Variants in NADK observed in about 807,000 individuals in gnomAD.
NADK encodes poly(P)/ATP NAD kinase.
Under a neutral mutation model 49.8 loss-of-function variants are expected in NADK, and 22 were observed. The observed-to-expected ratio is 0.44, with a 90% CI of 0.32 to 0.63. NADK has a LOEUF of 0.63. NADK is among the 30% of genes least tolerant of loss of function. NADK has a pLI of 0.06. For synonymous variants in NADK, 268 were observed against 253.7 expected (o/e 1.06, Z -0.54); for missense variants, 438 against 609.4 (o/e 0.72, Z 2.96).
Position 1,769,560 on chromosome 1 carries a change from A to C in NADK, c.-40-4114T>G, listed in dbSNP as rs568990996. 4.6e-5 allele frequency among the ~76,000 whole-genome samples: 7 copies of C among 151,952 alleles called. No homozygotes were observed. The East Asian group carries it at 5.8e-4, about 13-fold the overall frequency. ...AGCGAGACTCCGTCTCAAAAAAAAA[A>C]CAAAAAACAAAAAACAAACTAGCCG... On this transcript the variant is annotated intron_variant, in intron 1 of 11. Transcript: ENST00000341426.
chr1:1,755,092 G>T (rs145255125), intron 7 of NADK, among the ~76,000 whole-genome samples: 1,554 of 152,270 alleles, frequency 0.01, 27 homozygotes, highest in African/African-American at 0.036. Flanking sequence ...GTGCTGGGAT[G>T]ACAGGCGTGA....
At chr1:1,762,919 C>T (rs1645772349) in intron 2 of NADK, among the ~76,000 whole-genome samples, 1 of 152,358 alleles carries the variant, frequency 6.6e-6, no homozygotes, top group Non-Finnish European at 1.5e-5. Context: ...CTGTCAGGAC[C>T]GCTGTGCTCC....
intron 6 of NADK, 189 bp downstream of exon 6, chr1:1,756,069 T>G: frequency 1.6e-6 from 1 of 628,872 alleles, no homozygotes; most frequent in Non-Finnish European, 2.8e-6. Flanking sequence ...CGTAGCACTG[T>G]GTCCACACTG....
In NADK at chr1:1,753,006, G is replaced by A. The variant is rs1021682267; in HGVS notation, c.1239C>T (p.Pro413=). ...YPLPSICVRD[P]VSDWFESLAQ... is the part of the protein sequence containing the mutation. ...CGAGGCTCTCAAACCAGTCGCTCAC[G>A]GGGTCCCGCACACAGATGGAGGGGA... is the stretch of plus-strand genomic sequence containing the variant. The change falls in exon 12 of 12, where the codon CCC becomes CCT. Residue 413 remains proline, a synonymous_variant. Transcript: ENST00000341426. 12 of 1,608,898 alleles carry A rather than the reference G, an allele frequency of 7.5e-6. No individual in the cohort carries two copies. Among genetic ancestry groups the A allele is most frequent in the South Asian group, 2.2e-5 (2 of 90,172 alleles).
intron 3 of NADK, chr1:1,758,507 CT>C: frequency 6.2e-7 from 1 of 1,610,614 alleles, no homozygotes; most frequent in Non-Finnish European, 8.5e-7. Context: ...CCAGGCCACG[CT>C]TGGCGAACAC....
intron 1 of NADK, among the ~76,000 whole-genome samples, chr1:1,770,488 C>T (rs914161675): frequency 3.7e-4 from 56 of 152,154 alleles, no homozygotes; most frequent in African/African-American, 1.2e-3. Flanking sequence ...ACACAAAAAT[C>T]GCCTGTATTT....
chr1:1,755,310 C>T, intron 7 of NADK, 64 bp downstream of exon 7: 1 of 1,173,840 alleles, frequency 8.5e-7, no homozygotes. Flanking sequence ...AAACCCCCCG[C>T]AAGCAAGCGA....
rs763052579 is a variant in NADK at position 1,754,306 on chromosome 1, G to A, written c.921C>T (p.Leu307=). ...SNVDVYLDGH[L]ITTVQGDGVI... ...TACCGTCGCCCTGCACCGTGGTGAT[G>A]AGGTGTCCGTCCAGGTAGACATCCA... The change falls in exon 9 of 12, where the codon CTC becomes CTT. Residue 307 remains leucine, a synonymous_variant. Coordinates refer to ENST00000341426, the MANE Select transcript of NADK (RefSeq NM_023018.5). This position sits in a 1 kb window ranked among gnomAD's most constrained non-coding sequence, Gnocchi z 4.3. 3 of 1,613,728 alleles carry A rather than the reference G, an allele frequency of 1.9e-6. No homozygotes were observed. In the African/African-American group the frequency reaches 4.0e-5, roughly 22 times the overall value.
intron 2 of NADK, among the ~76,000 whole-genome samples, chr1:1,762,338 C>T (rs552333331): frequency 2.6e-5 from 4 of 152,334 alleles, no homozygotes; most frequent in Admixed American, 2.6e-4. Flanking sequence ...ATCAGAATTC[C>T]TCAGTGTCTC....
chr1:1,757,164 C>T lies in NADK; in HGVS notation c.393+17G>A, dbSNP rs1645556766. 1 of 1,604,978 alleles carries T rather than the reference C, an allele frequency of 6.2e-7. No individual in the cohort carries two copies. Among genetic ancestry groups the T allele is most frequent in the Non-Finnish European group, 8.5e-7 (1 of 1,175,588 alleles). On this transcript the variant is annotated intron_variant, in intron 4 of 11. Coordinates refer to ENST00000341426, the MANE Select transcript of NADK (RefSeq NM_023018.5). ...TCCATGTGCACCCCAGGCCCCCTTC[C>T]CCCCTGCCCCGCGTGCCTCCATGAG...
chr1:1,755,099 G>A (rs552252185), intron 7 of NADK, among the ~76,000 whole-genome samples: 176 of 152,292 alleles, frequency 1.2e-3, no homozygotes, highest in African/African-American at 4.1e-3. Context: ...GATGACAGGC[G>A]TGAGCCACCG....
intron 3 of NADK, among the ~76,000 whole-genome samples, chr1:1,760,725 C>G (rs754079711): frequency 5.3e-5 from 8 of 152,086 alleles, no homozygotes; most frequent in Non-Finnish European, 1.0e-4. Flanking sequence ...CCGTTCTGCA[C>G]AGAGGCCTGA....
At chr1:1,755,756 T>A (rs1645498158) in intron 6 of NADK, among the ~76,000 whole-genome samples, 2 of 150,478 alleles carry the variant, frequency 1.3e-5, no homozygotes, top group Non-Finnish European at 3.0e-5. Flanking sequence ...CGAGGGCGGG[T>A]GGGAGGCAGC....
In NADK at chr1:1,757,120, G is replaced by A. The variant is rs756400069; in HGVS notation, c.393+61C>T. The stretch of plus-strand genomic sequence containing the variant: ...CCATGGTCTCACGGGGCGGTGATGT[G>A]GATGGAGGCCCCCCCAACTCCATGT... On this transcript the variant is annotated intron_variant, in intron 4 of 11. Transcript: ENST00000341426. 126 of 1,545,336 alleles carry A rather than the reference G, an allele frequency of 8.2e-5. No homozygotes were observed. The highest frequency in any genetic ancestry group is 2.4e-5 in the East Asian group (1 of 41,066).
chr1:1,775,148 TA>T (rs1646176207), intron 1 of NADK, among the ~76,000 whole-genome samples: 1 of 151,830 alleles, frequency 6.6e-6, no homozygotes, highest in Non-Finnish European at 1.5e-5. Flanking sequence ...GAAGTTTTAT[TA>T]GAAAAAAATA....
At chr1:1,753,083 T>C (rs776574671) in intron 11 of NADK, 23 bp from the exon 12 acceptor site, 2 of 1,593,238 alleles carry the variant, frequency 1.3e-6, no homozygotes, top group Admixed American at 3.4e-5. Flanking sequence ...AGCAGCAGCC[T>C]GAGCCAGGGC....
intron 3 of NADK, chr1:1,758,406 AT>A: frequency 6.2e-7 from 1 of 1,611,736 alleles, no homozygotes; most frequent in South Asian, 1.1e-5. Flanking sequence ...CACTCATGCC[AT>A]CCCCTATGAG....
At chr1:1,765,704 G>A (rs1304621877) in intron 1 of NADK, among the ~76,000 whole-genome samples, 1 of 152,142 alleles carries the variant, frequency 6.6e-6, no homozygotes, top group Non-Finnish European at 1.5e-5. Flanking sequence ...TTGAGGCCAG[G>A]AGTTCGAAAC....
At chr1:1,776,490 G>C (rs1257065306) in intron 1 of NADK, among the ~76,000 whole-genome samples, 1 of 152,152 alleles carries the variant, frequency 6.6e-6, no homozygotes, top group Non-Finnish European at 1.5e-5. Flanking sequence ...ACTGGTCCAA[G>C]TGAGGCAAGC....
Sources: gnomAD v4.1 joint callset for allele counts (sites outside exome capture counted in the v4.1 genomes callset) on GRCh38, gnomAD v4.1.1 for gene constraint, Gnocchi (gnomAD v3.1) non-coding constraint, MANE v1.5 for transcripts, NCBI Gene and HGNC (gene_info 2026-07-23, HGNC 2026-07-21) for gene names.